PTP4A1: variants seen among roughly 807,000 people sequenced by gnomAD.
PTP4A1 encodes the protein protein tyrosine phosphatase 4A1.
In PTP4A1, 9 loss-of-function variants were observed where a neutral mutation model predicts 20.5. That is an observed-to-expected ratio of 0.44 (90% CI 0.26 to 0.77). The LOEUF (loss-of-function observed/expected upper bound fraction) is 0.77, where lower values mean the gene tolerates loss of function less well. PTP4A1 is among the 30% of genes least tolerant of loss of function. PTP4A1 has a pLI of 0.19. For missense variants in PTP4A1, 137 were observed against 218.8 expected (o/e 0.63, Z 2.36); for synonymous variants, 78 against 67.4 (o/e 1.16, Z -0.77).
At chr6:63,554,362 T>G (rs1776580307) in intron 3 of PTP4A1, among the ~76,000 whole-genome samples, 1 of 152,208 alleles carries the variant, frequency 6.6e-6, no homozygotes, top group Non-Finnish European at 1.5e-5. Context: ...CAGAAATTCT[T>G]ATACACTTTC....
At chr6:63,551,372 G>A (rs996905210) in intron 3 of PTP4A1, among the ~76,000 whole-genome samples, 4 of 151,952 alleles carry the variant, frequency 2.6e-5, no homozygotes, top group African/African-American at 9.7e-5. Flanking sequence ...AGCCGCTGTG[G>A]GTAATTTGGG....
At chr6:63,528,223 C>T (rs1030869465) in intron 2 of PTP4A1, 1 of 152,170 alleles carries the variant, frequency 6.6e-6, no homozygotes, top group Non-Finnish European at 1.5e-5. Context: ...AAATTTCAAA[C>T]ACACTAGTAA....
chr6:63,539,472 T>C (rs1014551957), intron 2 of PTP4A1, among the ~76,000 whole-genome samples: 1 of 152,034 alleles, frequency 6.6e-6, no homozygotes, highest in African/African-American at 2.4e-5. Context: ...GAACAGGAAA[T>C]CTAAAAGAAA....
At chr6:63,528,240 C>A (rs1455780377) in intron 2 of PTP4A1, among the ~76,000 whole-genome samples, 1 of 152,190 alleles carries the variant, frequency 6.6e-6, no homozygotes, top group Non-Finnish European at 1.5e-5. Context: ...GTAACACAGA[C>A]AGCCATGGTG....
At chr6:63,552,581 T>C (rs1269919983) in intron 3 of PTP4A1, among the ~76,000 whole-genome samples, 2 of 152,242 alleles carry the variant, frequency 1.3e-5, no homozygotes, top group African/African-American at 2.4e-5. Flanking sequence ...GCCATTGCTT[T>C]TGGTGTTTTA....
At position 63,537,565 on chromosome 6, in the gene PTP4A1, C is replaced by A. The variant is rs79570700; in HGVS notation, c.-640+9481C>A. Among the ~76,000 whole-genome samples, 108 of 152,272 alleles carry A rather than the reference C, an allele frequency of 7.1e-4. 1 individual carries two copies. The highest frequency in any genetic ancestry group is 4.6e-3 in the South Asian group (22 of 4,818). On this transcript the variant is annotated intron_variant, in intron 2 of 3. Coordinates refer to the PTP4A1 transcript ENST00000639568. ...GAGAAAAAAGCCAACTGGCTGAGTGCCAAAACTAACCCTCACTCAATGAAT... is the reference window on the plus strand; with the variant it reads ...GAGAAAAAAGCCAACTGGCTGAGTGACAAAACTAACCCTCACTCAATGAAT...
chr6:63,527,471 T>C (rs1009063806), intron 1 of PTP4A1, among the ~76,000 whole-genome samples: 11 of 152,186 alleles, frequency 7.2e-5, no homozygotes, highest in Non-Finnish European at 1.3e-4. Flanking sequence ...ATGTTGTAGA[T>C]ATCTCAAAAG....
At chr6:63,549,055 C>G (rs1432724346) in intron 2 of PTP4A1, 11 of 720,688 alleles carry the variant, frequency 1.5e-5, no homozygotes, top group Non-Finnish European at 2.8e-5. Flanking sequence ...ACCGGCTGAG[C>G]TTTCTTATTC....
chr6:63,574,926 T>G (rs1186877360), intron 1 of PTP4A1, among the ~76,000 whole-genome samples: 2 of 152,224 alleles, frequency 1.3e-5, no homozygotes, highest in South Asian at 2.1e-4. Context: ...ACCAACTAGG[T>G]GAAGTAACCT....
intron 3 of PTP4A1, 150 bp downstream of exon 3, chr6:63,578,679 T>A: frequency 7.8e-7 from 1 of 1,288,162 alleles, no homozygotes; most frequent in Non-Finnish European, 1.0e-6. Flanking sequence ...TCTTAATTTC[T>A]AAATAAAGGT....
At chr6:63,517,746 A>C (rs925732194), upstream of PTP4A1, among the ~76,000 whole-genome samples, 1 of 152,200 alleles carries the variant, frequency 6.6e-6, no homozygotes, top group Non-Finnish European at 1.5e-5. Context: ...TGGAGAATTA[A>C]AAATTAAGGA....
intron 1 of PTP4A1, among the ~76,000 whole-genome samples, chr6:63,574,058 T>C (rs1191154404): frequency 6.6e-6 from 1 of 152,188 alleles, no homozygotes; most frequent in African/African-American, 2.4e-5. Flanking sequence ...ACACTACGAT[T>C]GGAACTGTTG....
intron 2 of PTP4A1, among the ~76,000 whole-genome samples, chr6:63,540,108 T>C (rs1562116843): frequency 6.6e-6 from 1 of 152,186 alleles, no homozygotes; most frequent in Non-Finnish European, 1.5e-5. Context: ...TATCCATCCC[T>C]AAGACATTTT....
chr6:63,528,791 T>C (rs1775307174), intron 2 of PTP4A1, among the ~76,000 whole-genome samples: 1 of 150,842 alleles, frequency 6.6e-6, no homozygotes. Flanking sequence ...ATATCAACTT[T>C]GGTGGCACCC....
intron 2 of PTP4A1, among the ~76,000 whole-genome samples, chr6:63,545,178 T>C (rs1484845515): frequency 6.6e-6 from 1 of 152,216 alleles, no homozygotes; most frequent in African/African-American, 2.4e-5. Flanking sequence ...TTCTATCTTT[T>C]CTTATTTTGA....
intron 2 of PTP4A1, among the ~76,000 whole-genome samples, chr6:63,531,202 G>A (rs558126356): frequency 6.6e-6 from 1 of 152,198 alleles, no homozygotes; most frequent in Admixed American, 6.5e-5. Context: ...CCTGCTTCCT[G>A]GTTCACAGCC....
Position 63,536,477 on chromosome 6 carries a change from A to G in PTP4A1, c.-640+8393A>G, listed in dbSNP as rs1417178527. 2.0e-5 allele frequency among the ~76,000 whole-genome samples: 3 copies of G among 152,260 alleles called. No individual in the cohort carries two copies. The South Asian group carries it at 6.2e-4, about 31-fold the overall frequency. ...TAATTTCCCAGACAGAGTGAATTAT[A>G]TAACAAGATTAGATTAGATTAAAAC... On this transcript the variant is annotated intron_variant, in intron 2 of 3. Coordinates refer to the PTP4A1 transcript ENST00000639568.
chr6:63,523,810 C>T (rs527386354), intron 1 of PTP4A1, among the ~76,000 whole-genome samples: 159 of 152,144 alleles, frequency 1.0e-3, no homozygotes, highest in Non-Finnish European at 1.2e-3. Context: ...TTCAGTGGGG[C>T]CCGGAGAAGC....
intron 2 of PTP4A1, among the ~76,000 whole-genome samples, chr6:63,534,621 A>T (rs534914525): frequency 6.0e-5 from 9 of 149,422 alleles, no homozygotes; most frequent in Admixed American, 1.3e-4. Context: ...TAGCCCAGGC[A>T]ACGTAGCAAG....
Sources: allele counts gnomAD v4.1 joint callset (sites outside exome capture counted in the v4.1 genomes callset), GRCh38; gene constraint gnomAD v4.1.1; transcripts MANE v1.5; gene names NCBI Gene and HGNC (gene_info 2026-07-23, HGNC 2026-07-21).